The following PPP1R14C variants were observed in gnomAD, a reference collection of about 807,000 sequenced individuals.
PPP1R14C encodes protein phosphatase 1 regulatory subunit 14C.
A neutral mutation model predicts 20.4 loss-of-function variants in PPP1R14C; 16 were observed. The observed-to-expected ratio is 0.78, with a 90% CI of 0.53 to 1.19. The LOEUF (loss-of-function observed/expected upper bound fraction) is 1.19, where lower values mean the gene tolerates loss of function less well. PPP1R14C is among the 50% of genes most tolerant of loss of function. The pLI is 0.00. For missense variants in PPP1R14C, 211 were observed against 220.1 expected (o/e 0.96, Z 0.26); for synonymous variants, 91 against 91.0 (o/e 1.00, Z 0.00).
chr6:150,157,355 C>T (rs1269767040), intron 1 of PPP1R14C, among the ~76,000 whole-genome samples: 1 of 152,198 alleles, frequency 6.6e-6, no homozygotes, highest in East Asian at 1.9e-4. Context: ...TCTAGCCCCA[C>T]TTTACAAAAT....
chr6:150,199,636 A>G (rs531343171), intron 1 of PPP1R14C, among the ~76,000 whole-genome samples: 2 of 152,308 alleles, frequency 1.3e-5, no homozygotes, highest in Admixed American at 1.3e-4. Flanking sequence ...TTTGGAGGCT[A>G]AAGTGGGAGA....
chr6:150,186,694 C>G (rs575629263), intron 1 of PPP1R14C, among the ~76,000 whole-genome samples: 2 of 152,148 alleles, frequency 1.3e-5, no homozygotes, highest in South Asian at 2.1e-4. Context: ...GGGCCTGAGG[C>G]GGGGGATGAC....
intron 1 of PPP1R14C, among the ~76,000 whole-genome samples, chr6:150,152,068 C>G (rs1336730007): frequency 2.1e-5 from 3 of 145,620 alleles, no homozygotes; most frequent in Non-Finnish European, 4.5e-5. Flanking sequence ...TGCAGTGAGC[C>G]GAGATCCCGC....
chr6:150,165,462 G>A (rs1476140740), intron 1 of PPP1R14C, among the ~76,000 whole-genome samples: 2 of 152,220 alleles, frequency 1.3e-5, no homozygotes, highest in Non-Finnish European at 2.9e-5. Flanking sequence ...GGGAAGGCTG[G>A]TTGACCTCAG....
chr6:150,179,079 C>T (rs972437482), intron 1 of PPP1R14C, among the ~76,000 whole-genome samples: 1 of 152,050 alleles, frequency 6.6e-6, no homozygotes, highest in South Asian at 2.1e-4. Context: ...CTGGAACCAA[C>T]CTGGGAAGGC....
chr6:150,164,184 T>G (rs1165465444), intron 1 of PPP1R14C, among the ~76,000 whole-genome samples: 5 of 152,228 alleles, frequency 3.3e-5, no homozygotes, highest in Non-Finnish European at 7.3e-5. Flanking sequence ...CTTTGTGAAG[T>G]GCTTGTTCAA....
rs146876777 is a variant in PPP1R14C, at chr6:150,222,027, G to A, written c.423+5171G>A. Among the ~76,000 whole-genome samples the A allele has an allele frequency of 8.9e-3, 1,351 of 152,168 alleles. 11 individuals are homozygous for A. The highest frequency in any genetic ancestry group is 0.016 in the Non-Finnish European group (1,085 of 68,006). ...TTGCCCAGGCTAGTCTCAAACTCCC[G>A]AGCTCCAGCAGTCCACCTGCCTGGG... On this transcript the variant is annotated intron_variant, in intron 3 of 3. Coordinates refer to ENST00000361131, the MANE Select transcript of PPP1R14C (RefSeq NM_030949.3).
intron 1 of PPP1R14C, among the ~76,000 whole-genome samples, chr6:150,178,308 G>C (rs547947125): frequency 1.4e-4 from 22 of 152,224 alleles, no homozygotes; most frequent in Non-Finnish European, 2.2e-4. Context: ...GAGGCTGGAG[G>C]AAACCCTGAA....
intron 1 of PPP1R14C, among the ~76,000 whole-genome samples, chr6:150,189,106 G>A (rs1777712123): frequency 6.6e-6 from 1 of 152,046 alleles, no homozygotes; most frequent in Admixed American, 6.6e-5. Context: ...TGATCTGCCT[G>A]CTTCAGCATC....
chr6:150,194,576 A>C, intron 1 of PPP1R14C: 1 of 978,766 alleles, frequency 1.0e-6, no homozygotes, highest in Non-Finnish European at 1.2e-6. Flanking sequence ...TAGGATGCAA[A>C]AATGATTAAA....
At chr6:150,171,337 C>T (rs1777496785) in intron 1 of PPP1R14C, among the ~76,000 whole-genome samples, 1 of 152,214 alleles carries the variant, frequency 6.6e-6, no homozygotes, top group Non-Finnish European at 1.5e-5. Context: ...CACCATTGTA[C>T]ATACCTAATA....
chr6:150,246,467 A>G (rs2114936034), intron 3 of PPP1R14C, among the ~76,000 whole-genome samples: 1 of 152,334 alleles, frequency 6.6e-6, no homozygotes, highest in African/African-American at 2.4e-5. Context: ...ACATTTGCAA[A>G]ATGAAAATTG....
At chr6:150,213,189 G>A (rs1193054937) in intron 1 of PPP1R14C, among the ~76,000 whole-genome samples, 2 of 152,130 alleles carry the variant, frequency 1.3e-5, no homozygotes, top group East Asian at 1.9e-4. Flanking sequence ...GGATCAAAAC[G>A]GAAATTCTCC....
intron 1 of PPP1R14C, among the ~76,000 whole-genome samples, chr6:150,174,409 G>C (rs1186586167): frequency 6.8e-6 from 1 of 147,800 alleles, no homozygotes; most frequent in East Asian, 2.5e-4. Flanking sequence ...GTAGAGATGG[G>C]GTTTCACCGT....
chr6:150,220,017 G>C (rs561161975), intron 3 of PPP1R14C, among the ~76,000 whole-genome samples: 2 of 152,008 alleles, frequency 1.3e-5, no homozygotes, highest in Non-Finnish European at 2.9e-5. Context: ...CACCATGCCT[G>C]GCTAATTTTT....
In PPP1R14C at chr6:150,249,259, C is replaced by T; in HGVS notation, c.*439C>T. The stretch of plus-strand genomic sequence containing the variant: ...AATTTCTCACACTTGTATATATCTA[C>T]ACACAACTAAGTTAAAATGTTGATG... On this transcript the variant is annotated 3_prime_UTR_variant, in exon 4 of 4. Transcript: ENST00000361131. The T allele has an allele frequency of 2.5e-6, 1 of 399,250 alleles. No individual in the cohort carries two copies. The allele number at this position is 399,250 out of a possible 1,614,324, so 24.7% of individuals were successfully genotyped here.
At chr6:150,171,086 C>T (rs1470410599) in intron 1 of PPP1R14C, among the ~76,000 whole-genome samples, 2 of 152,068 alleles carry the variant, frequency 1.3e-5, no homozygotes, top group African/African-American at 4.8e-5. Context: ...AATCGATGAA[C>T]CTACGTTGAC....
At chr6:150,159,147 G>A (rs1043723299) in intron 1 of PPP1R14C, among the ~76,000 whole-genome samples, 2 of 152,148 alleles carry the variant, frequency 1.3e-5, no homozygotes, top group Non-Finnish European at 2.9e-5. Context: ...CTGCTCAGGG[G>A]CTGACTTCTC....
At position 150,182,270 on chromosome 6, in the gene PPP1R14C, A is replaced by C. The variant is rs562916028; in HGVS notation, c.307-32474A>C. Among the ~76,000 whole-genome samples the C allele has an allele frequency of 1.5e-3, 236 of 152,306 alleles. 2 individuals carry two copies. The highest frequency in any genetic ancestry group is 5.3e-3 in the African/African-American group (220 of 41,566). ...CTGTGTACCGTGAGACAAATTATTC[A>C]ACCTCTCTGTTTTAATTGCCTCAGG... On this transcript the variant is annotated intron_variant, in intron 1 of 3. Coordinates refer to ENST00000361131, the MANE Select transcript of PPP1R14C (RefSeq NM_030949.3).
Sources: gnomAD v4.1 joint callset for allele counts (sites outside exome capture counted in the v4.1 genomes callset) on GRCh38, gnomAD v4.1.1 for gene constraint, MANE v1.5 for transcripts, NCBI Gene and HGNC (gene_info 2026-07-23, HGNC 2026-07-21) for gene names.